EPB41L1: variants seen among roughly 807,000 people sequenced by gnomAD.
The protein encoded by EPB41L1 is band 4.1-like protein 1.
Under a neutral mutation model 97.8 loss-of-function variants are expected in EPB41L1, and 29 were observed. The ratio of observed to expected loss-of-function variants is 0.30; its 90% CI spans 0.22 to 0.40. The LOEUF is 0.40. Among genes scored for constraint, EPB41L1 ranks in the 10% least tolerant of loss-of-function variants. The pLI, the probability that EPB41L1 is intolerant of heterozygous loss-of-function variation, is 1.00. For missense variants in EPB41L1, 812 were observed against 1,162.3 expected, an observed-to-expected ratio of 0.70 and a Z score of 4.38; for synonymous variants, 383 against 459.2, an observed-to-expected ratio of 0.83 and a Z score of 2.12.
At chr20:36,136,313 G>A (rs6121160) in intron 2 of EPB41L1, among the ~76,000 whole-genome samples, 3 of 151,152 alleles carry the variant, frequency 2.0e-5, no homozygotes, top group Non-Finnish European at 4.4e-5. Context: ...TGGGACTACA[G>A]GCACATGCAA....
At chr20:36,200,747 G>A (rs938489689) in intron 14 of EPB41L1, 1 of 377,410 alleles carries the variant, frequency 2.6e-6, no homozygotes. Flanking sequence ...AAAAAGCTGG[G>A]CTATTTATGG....
intron 1 of EPB41L1, among the ~76,000 whole-genome samples, chr20:36,161,785 G>A (rs913171262): frequency 1.3e-5 from 2 of 152,032 alleles, no homozygotes; most frequent in African/African-American, 4.8e-5. Flanking sequence ...TTTAAAGACA[G>A]CCTGTCACTC....
At chr20:36,133,101 G>C (rs899510418) in intron 2 of EPB41L1, among the ~76,000 whole-genome samples, 1 of 152,266 alleles carries the variant, frequency 6.6e-6, no homozygotes, top group African/African-American at 2.4e-5. Flanking sequence ...TTATGTAGCT[G>C]GTGAGAGGGC....
chr20:36,110,514 C>G (rs1269841315), intron 1 of EPB41L1, among the ~76,000 whole-genome samples: 1 of 151,952 alleles, frequency 6.6e-6, no homozygotes, highest in Non-Finnish European at 1.5e-5. Flanking sequence ...GGTTTCCTCT[C>G]AAGGTAGCTA....
intron 17 of EPB41L1, among the ~76,000 whole-genome samples, chr20:36,217,549 G>A (rs1486302272): frequency 6.6e-6 from 1 of 152,174 alleles, no homozygotes; most frequent in African/African-American, 2.4e-5. Flanking sequence ...GAAGGTGGAG[G>A]TGAGGCTTTG....
chr20:36,225,068 C>T (rs1025942090), intron 21 of EPB41L1, among the ~76,000 whole-genome samples: 7 of 152,304 alleles, frequency 4.6e-5, no homozygotes, highest in South Asian at 4.1e-4. Flanking sequence ...GTGATCTGCC[C>T]GACTCGGCCT....
At chr20:36,217,274 A>G (rs2063502864) in intron 17 of EPB41L1, among the ~76,000 whole-genome samples, 1 of 152,188 alleles carries the variant, frequency 6.6e-6, no homozygotes, top group Non-Finnish European at 1.5e-5. Flanking sequence ...TATCTGGGCT[A>G]TAGGTGAAGG....
intron 14 of EPB41L1, among the ~76,000 whole-genome samples, chr20:36,198,267 A>G (rs111568719): frequency 7.2e-5 from 11 of 152,278 alleles, no homozygotes; most frequent in African/African-American, 2.4e-4. Flanking sequence ...CTCAAGACTC[A>G]TGGTAGCTTG....
At position 36,185,710 on chromosome 20, in the gene EPB41L1, G is replaced by T. The variant is rs1265676112; in HGVS notation, c.785+375G>T. 3.3e-5 allele frequency among the ~76,000 whole-genome samples: 5 copies of T among 152,188 alleles called. No homozygotes were observed. In the East Asian group the frequency reaches 9.6e-4, roughly 29 times the overall value. On this transcript the variant is annotated intron_variant, in intron 7 of 21. Coordinates refer to ENST00000338074, the MANE Select transcript of EPB41L1 (RefSeq NM_012156.2). The stretch of plus-strand genomic sequence containing the variant: ...AAAGTTTGGACCCGAAAGCCAGCCT[G>T]CTAGGGTTCCTATACTGGCTCTGCC...
intron 1 of EPB41L1, among the ~76,000 whole-genome samples, chr20:36,170,803 A>T (rs2060956401): frequency 6.6e-6 from 1 of 152,134 alleles, no homozygotes; most frequent in Admixed American, 6.5e-5. Flanking sequence ...CTCACCTGTA[A>T]AGGAAGAGGA....
chr20:36,108,583 A>G (rs1361081392), intron 1 of EPB41L1, among the ~76,000 whole-genome samples: 6 of 152,076 alleles, frequency 3.9e-5, no homozygotes, highest in Admixed American at 3.9e-4. Context: ...CTGAGGCATG[A>G]GAATTGCTTG....
At chr20:36,223,931 G>C (rs925890184) in intron 21 of EPB41L1, among the ~76,000 whole-genome samples, 6 of 152,142 alleles carry the variant, frequency 3.9e-5, no homozygotes, top group African/African-American at 1.4e-4. Context: ...AAATATAATT[G>C]CTGGTCTCCT....
chr20:36,106,655 G>A (rs189135337), intron 1 of EPB41L1, among the ~76,000 whole-genome samples: 26 of 152,374 alleles, frequency 1.7e-4, no homozygotes, highest in Middle Eastern at 3.4e-3. Flanking sequence ...TCAGAGGTAA[G>A]CTCACAGAGG....
upstream of EPB41L1, among the ~76,000 whole-genome samples, chr20:36,153,493 G>A (rs1240035587): frequency 6.6e-6 from 1 of 152,188 alleles, no homozygotes; most frequent in Non-Finnish European, 1.5e-5. Context: ...TAGGAATGAT[G>A]TGAAGAATGA....
intron 1 of EPB41L1, among the ~76,000 whole-genome samples, chr20:36,102,922 C>T (rs919338326): frequency 1.3e-5 from 2 of 152,190 alleles, no homozygotes; most frequent in African/African-American, 4.8e-5. Flanking sequence ...TCCTGAGGCT[C>T]CTGGGACACA....
Position 36,194,230 on chromosome 20 carries a change from C to A in EPB41L1, c.1319C>A (p.Ala440Asp). The A allele has an allele frequency of 3.1e-6, 5 of 1,614,016 alleles. No homozygotes were observed. The highest frequency in any genetic ancestry group is 3.4e-6 in the Non-Finnish European group (4 of 1,180,048). ...ACTTCAGCAGAGTTCTCCCGCCCAG[C>A]CTCGGTCAGCGAGAACCATGATGCA... ...SLDGAEFSRP[A>D]SVSENHDAGP... The change falls in exon 12 of 22, where the codon GCC (alanine) becomes GAC (aspartate). Residue 440 changes from alanine to aspartate, a missense_variant. By Grantham distance (126) the Ala-to-Asp change is moderately radical. Coordinates refer to ENST00000338074, the MANE Select transcript of EPB41L1 (RefSeq NM_012156.2).
At position 36,207,421 on chromosome 20, in the gene EPB41L1, G is replaced by A; in HGVS notation, c.1669-2067G>A. The A allele has an allele frequency of 4.7e-6, 6 of 1,289,806 alleles. No homozygotes were observed. Among genetic ancestry groups the A allele is most frequent in the Non-Finnish European group, 6.1e-6 (6 of 988,862 alleles). 79.9% of individuals were successfully genotyped at this position (1,289,806 alleles called of 1,614,324 possible). On this transcript the variant is annotated intron_variant, in intron 14 of 21. Coordinates refer to ENST00000338074, the MANE Select transcript of EPB41L1 (RefSeq NM_012156.2). This position sits in a 1 kb window ranked among gnomAD's most constrained non-coding sequence, Gnocchi z 4.9. The stretch of plus-strand genomic sequence containing the variant: ...GGCTGGGGACCAAGAGGGCTCCCTA[G>A]AAGATATTAGCAAGACCTCAGTGGC...
intron 8 of EPB41L1, 87 bp downstream of exon 8, chr20:36,187,850 A>G: frequency 9.3e-7 from 1 of 1,073,380 alleles, no homozygotes; most frequent in Non-Finnish European, 1.4e-6. Context: ...GGTGTGCCAG[A>G]CCCTGTGTTA....
At chr20:36,106,587 G>A (rs1055515052) in intron 1 of EPB41L1, among the ~76,000 whole-genome samples, 14 of 152,216 alleles carry the variant, frequency 9.2e-5, no homozygotes, top group African/African-American at 3.1e-4. Flanking sequence ...GGGCACCAGA[G>A]GTAAATATTA....
Sources: gnomAD v4.1 joint callset for allele counts (sites outside exome capture counted in the v4.1 genomes callset) on GRCh38, gnomAD v4.1.1 for gene constraint, Gnocchi (gnomAD v3.1) non-coding constraint, MANE v1.5 for transcripts, NCBI Gene and HGNC (gene_info 2026-07-23, HGNC 2026-07-21) for gene names.